NBAS: variants seen among roughly 807,000 people sequenced by gnomAD.
The protein encoded by NBAS is NBAS subunit of NRZ tethering complex.
A neutral mutation model predicts 302.5 loss-of-function variants in NBAS; 219 were observed. That is an observed-to-expected ratio of 0.72 (90% CI 0.65 to 0.81). The LOEUF (loss-of-function observed/expected upper bound fraction) is 0.81, where lower values mean the gene tolerates loss of function less well. NBAS is among the 30% of genes least tolerant of loss of function. NBAS has a pLI of 0.00. For missense variants in NBAS, 2,932 were observed against 2,841.6 expected (o/e 1.03, Z -0.72); for synonymous variants, 1,118 against 1,021.6 (o/e 1.09, Z -1.80).
chr2:15,449,330 T>C (rs977032476), intron 21 of NBAS, among the ~76,000 whole-genome samples: 3 of 152,214 alleles, frequency 2.0e-5, no homozygotes, highest in African/African-American at 7.2e-5. Flanking sequence ...GCTTATCTCA[T>C]GAACATGCTA....
intron 35 of NBAS, among the ~76,000 whole-genome samples, chr2:15,331,574 C>T (rs923678806): frequency 3.9e-5 from 6 of 152,092 alleles, no homozygotes; most frequent in Admixed American, 3.3e-4. Flanking sequence ...TTGTTGTGAT[C>T]ACAGAAGGAT....
chr2:14,968,291 T>A, the NBAS span, among the ~76,000 whole-genome samples: 2 of 152,188 alleles, frequency 1.3e-5, no homozygotes, highest in Non-Finnish European at 2.9e-5. Context: ...GAACCCAATT[T>A]AAAAGTTGGC....
At chr2:15,504,029 T>A (rs1030782269) in intron 11 of NBAS, 116 bp downstream of exon 11, 3 of 790,892 alleles carry the variant, frequency 3.8e-6, no homozygotes, top group East Asian at 5.0e-5. Context: ...ATAGTGTATA[T>A]GAATACACTC....
chr2:15,380,330 T>C (rs1331188704), intron 29 of NBAS, among the ~76,000 whole-genome samples: 2 of 152,198 alleles, frequency 1.3e-5, no homozygotes, highest in African/African-American at 2.4e-5. Context: ...TCCTCTCACC[T>C]TGGCTTCCCA....
At chr2:14,941,671 A>G in the NBAS span, among the ~76,000 whole-genome samples, 3 of 152,228 alleles carry the variant, frequency 2.0e-5, no homozygotes, top group Non-Finnish European at 4.4e-5. Context: ...ACACTCAATT[A>G]GGAGATTGTT....
chr2:14,896,707 A>G, the NBAS span, among the ~76,000 whole-genome samples: 3 of 152,176 alleles, frequency 2.0e-5, no homozygotes, highest in African/African-American at 7.2e-5. Context: ...CGTTAAGGGT[A>G]CAGAAGACAG....
chr2:15,365,241 T>C (rs1284241514), intron 32 of NBAS, among the ~76,000 whole-genome samples: 2 of 152,202 alleles, frequency 1.3e-5, no homozygotes, highest in Non-Finnish European at 2.9e-5. Context: ...GGTATTCCTG[T>C]TACTATGTTA....
chr2:15,287,011 C>G (rs1251242323), intron 42 of NBAS, 62 bp downstream of exon 42: 11 of 1,348,756 alleles, frequency 8.2e-6, no homozygotes, highest in Non-Finnish European at 1.2e-5. Flanking sequence ...CTTCAAGAGT[C>G]TTCAAAAATA....
At chr2:14,898,555 C>T in the NBAS span, among the ~76,000 whole-genome samples, 1 of 152,170 alleles carries the variant, frequency 6.6e-6, no homozygotes, top group African/African-American at 2.4e-5. Context: ...TCATAATTCC[C>T]ACATGTTGTG....
chr2:15,328,135 T>C, intron 37 of NBAS, 64 bp downstream of exon 37: 1 of 1,501,496 alleles, frequency 6.7e-7, no homozygotes, highest in Non-Finnish European at 9.2e-7. Flanking sequence ...AATTTTAGTT[T>C]TTGTTTCTAC....
At chr2:15,293,663 A>G (rs920842666) in intron 40 of NBAS, among the ~76,000 whole-genome samples, 1 of 148,756 alleles carries the variant, frequency 6.7e-6, no homozygotes, top group Non-Finnish European at 1.5e-5. Context: ...AAAAAAAAAG[A>G]ATCTACCTTT....
At chr2:15,111,843 A>G in the NBAS span, among the ~76,000 whole-genome samples, 2 of 149,242 alleles carry the variant, frequency 1.3e-5, no homozygotes, top group East Asian at 3.9e-4. Context: ...AATTAGAAAA[A>G]CTCCCCTAAA....
chr2:15,333,514 T>G (rs185495324), intron 35 of NBAS, among the ~76,000 whole-genome samples: 1 of 152,208 alleles, frequency 6.6e-6, no homozygotes. Flanking sequence ...GTTTGGAGAC[T>G]GCTGCCTCAG....
intron 12 of NBAS, among the ~76,000 whole-genome samples, chr2:15,486,710 C>G (rs1680642941): frequency 6.6e-6 from 1 of 151,876 alleles, no homozygotes; most frequent in South Asian, 2.1e-4. Flanking sequence ...TTTATTCATT[C>G]TCTGGTTTTA....
intron 50 of NBAS, among the ~76,000 whole-genome samples, chr2:15,181,243 C>T (rs1274036905): frequency 6.6e-6 from 1 of 152,172 alleles, no homozygotes; most frequent in Non-Finnish European, 1.5e-5. Flanking sequence ...CATAGCATGA[C>T]ACTTGGCTGA....
At chr2:15,430,916 C>G (rs1677733947) in intron 21 of NBAS, among the ~76,000 whole-genome samples, 1 of 152,118 alleles carries the variant, frequency 6.6e-6, no homozygotes, top group African/African-American at 2.4e-5. Flanking sequence ...AAGCAATTCT[C>G]CTGTCTCAGC....
intron 25 of NBAS, among the ~76,000 whole-genome samples, chr2:15,404,392 A>G (rs1042903270): frequency 6.6e-6 from 1 of 152,196 alleles, no homozygotes; most frequent in Non-Finnish European, 1.5e-5. Context: ...AACCAATTTC[A>G]GTCAAGGAAC....
At chr2:15,492,338 G>A (rs1444450679) in intron 11 of NBAS, among the ~76,000 whole-genome samples, 1 of 152,172 alleles carries the variant, frequency 6.6e-6, no homozygotes, top group Non-Finnish European at 1.5e-5. Flanking sequence ...TAAGATGATA[G>A]AGTTATTAGT....
chr2:15,113,231 A>T, the NBAS span, among the ~76,000 whole-genome samples: 1 of 151,888 alleles, frequency 6.6e-6, no homozygotes, highest in Non-Finnish European at 1.5e-5. Flanking sequence ...TGTGTGGAAA[A>T]AAGGAGATGC....
Sources: allele counts gnomAD v4.1 joint callset (sites outside exome capture counted in the v4.1 genomes callset), GRCh38; gene constraint gnomAD v4.1.1; transcripts MANE v1.5; gene names NCBI Gene and HGNC (gene_info 2026-07-23, HGNC 2026-07-21).